TAPT1: variants seen among roughly 807,000 people sequenced by gnomAD.
TAPT1 encodes transmembrane anterior posterior transformation 1.
TAPT1 carries 28 observed loss-of-function variants against 65.6 expected under a neutral mutation model. The ratio of observed to expected loss-of-function variants is 0.43; its 90% CI spans 0.32 to 0.59. The LOEUF (loss-of-function observed/expected upper bound fraction) is 0.59, where lower values mean the gene tolerates loss of function less well. Ranked by LOEUF, TAPT1 falls within the 20% of genes least tolerant of loss-of-function variation. TAPT1 has a pLI of 0.09. For synonymous variants in TAPT1, 278 were observed against 245.2 expected (o/e 1.13, Z -1.25); for missense variants, 563 against 679.9 (o/e 0.83, Z 1.91).
intron 1 of TAPT1, among the ~76,000 whole-genome samples, chr4:16,225,378 C>T (rs1342325677): frequency 6.6e-6 from 1 of 152,184 alleles, no homozygotes; most frequent in Admixed American, 6.5e-5. Flanking sequence ...TTTTGGACAA[C>T]AGAAGTAATT....
intron 7 of TAPT1, among the ~76,000 whole-genome samples, chr4:16,182,166 T>C (rs551993906): frequency 2.6e-5 from 4 of 152,174 alleles, no homozygotes; most frequent in South Asian, 2.1e-4. Flanking sequence ...AAATCAAGAT[T>C]TGACTTTTAA....
intron 11 of TAPT1, among the ~76,000 whole-genome samples, chr4:16,172,640 T>C (rs187325369): frequency 6.6e-6 from 1 of 152,176 alleles, no homozygotes; most frequent in Non-Finnish European, 1.5e-5. Context: ...GAAATTTAAA[T>C]AGCATTAAGC....
intron 1 of TAPT1, among the ~76,000 whole-genome samples, chr4:16,223,360 G>A (rs1187456954): frequency 2.0e-5 from 3 of 152,168 alleles, no homozygotes; most frequent in African/African-American, 4.8e-5. Flanking sequence ...TATGTCAAAA[G>A]GAACAACAGA....
chr4:16,164,355 G>C (rs1350861856), intron 13 of TAPT1, among the ~76,000 whole-genome samples: 2 of 152,042 alleles, frequency 1.3e-5, no homozygotes, highest in African/African-American at 4.8e-5. Flanking sequence ...ATCTGATGCA[G>C]CTTTGAGAGA....
At chr4:16,179,773 T>A in intron 7 of TAPT1, 116 bp from the exon 8 acceptor site, 1 of 505,936 alleles carries the variant, frequency 2.0e-6, no homozygotes, top group South Asian at 3.5e-5. Flanking sequence ...TATAAATGTC[T>A]ATAAATATAC....
chr4:16,176,834 T>TA (rs1479846033), intron 8 of TAPT1: 1 of 152,250 alleles, frequency 6.6e-6, no homozygotes, highest in African/African-American at 2.4e-5. Flanking sequence ...ATGGGATGAC[T>TA]AGATTAAGCA....
intron 7 of TAPT1, among the ~76,000 whole-genome samples, chr4:16,179,937 A>T (rs1001680936): frequency 6.6e-6 from 1 of 152,052 alleles, no homozygotes; most frequent in Non-Finnish European, 1.5e-5. Context: ...AAACCATCAA[A>T]CTGCTCAGAT....
intron 13 of TAPT1, 112 bp downstream of exon 13, chr4:16,166,521 A>G (rs1339327921): frequency 2.9e-6 from 4 of 1,375,906 alleles, no homozygotes; most frequent in Non-Finnish European, 4.0e-6. Flanking sequence ...TAAAAGACCC[A>G]AAAATCTATG....
At chr4:16,177,281 T>A (rs907212783) in intron 8 of TAPT1, among the ~76,000 whole-genome samples, 15 of 152,152 alleles carry the variant, frequency 9.9e-5, no homozygotes, top group Admixed American at 3.9e-4. Context: ...AATAAAAAAA[T>A]TTTTTTAATG....
chr4:16,224,158 AT>A (rs1423826696), intron 1 of TAPT1, among the ~76,000 whole-genome samples: 1 of 152,276 alleles, frequency 6.6e-6, no homozygotes, highest in East Asian at 1.9e-4. Flanking sequence ...TCAGGGAGAA[AT>A]GCTATCCAAA....
At chr4:16,212,211 C>G (rs1444918073) in intron 2 of TAPT1, among the ~76,000 whole-genome samples, 3 of 152,024 alleles carry the variant, frequency 2.0e-5, no homozygotes, top group Non-Finnish European at 4.4e-5. Flanking sequence ...TGTGTTCTCC[C>G]CAGAGAAAAA....
intron 6 of TAPT1, 54 bp from the exon 7 acceptor site, chr4:16,186,658 G>T: frequency 7.1e-7 from 1 of 1,401,562 alleles, no homozygotes; most frequent in South Asian, 1.3e-5. Context: ...TTAAAAACTG[G>T]ACTTGCTACT....
chr4:16,202,336 C>T (rs1314603923), intron 3 of TAPT1, 126 bp downstream of exon 3: 1 of 490,100 alleles, frequency 2.0e-6, no homozygotes, highest in African/African-American at 2.0e-5. Flanking sequence ...AAAAGGTAAA[C>T]AGTTTATGCA....
intron 13 of TAPT1, among the ~76,000 whole-genome samples, chr4:16,163,971 T>C (rs1172162776): frequency 6.6e-6 from 1 of 152,194 alleles, no homozygotes; most frequent in African/African-American, 2.4e-5. Context: ...ACAGATGGTT[T>C]AGCATCATCA....
At position 16,191,527 on chromosome 4, in the gene TAPT1, A is replaced by C. The variant is rs1324218274; in HGVS notation, c.450-4T>G. On this transcript the variant is annotated splice_polypyrimidine_tract_variant and splice_region_variant and intron_variant, in intron 3 of 13. Coordinates refer to ENST00000405303, the MANE Select transcript of TAPT1 (RefSeq NM_153365.3). ...AGGCTGAAGCAAACGTCTGTCCCTG[A>C]AACATACAAGAAGTAATAAAAATAT... is the stretch of plus-strand genomic sequence containing the variant. 1 of 1,553,290 alleles carries C rather than the reference A, an allele frequency of 6.4e-7. No individual in the cohort carries two copies. The highest frequency in any genetic ancestry group is 8.7e-7 in the Non-Finnish European group (1 of 1,147,978).
chr4:16,210,643 A>G (rs1158937409), intron 2 of TAPT1, among the ~76,000 whole-genome samples: 1 of 152,230 alleles, frequency 6.6e-6, no homozygotes, highest in Non-Finnish European at 1.5e-5. Flanking sequence ...CAAGACTCAG[A>G]GTTAGACAGT....
intron 7 of TAPT1, among the ~76,000 whole-genome samples, chr4:16,185,788 C>G (rs528528262): frequency 6.6e-6 from 1 of 152,284 alleles, no homozygotes; most frequent in East Asian, 1.9e-4. Context: ...CTCCCCATAA[C>G]ACACCCCTCC....
chr4:16,169,614 G>T (rs2149668739), intron 12 of TAPT1, among the ~76,000 whole-genome samples: 1 of 152,300 alleles, frequency 6.6e-6, no homozygotes, highest in Admixed American at 6.5e-5. Context: ...GTGAAACACT[G>T]AAATTAGCCA....
At chr4:16,209,799 A>G (rs1750555919) in intron 2 of TAPT1, among the ~76,000 whole-genome samples, 1 of 152,370 alleles carries the variant, frequency 6.6e-6, no homozygotes, top group Non-Finnish European at 1.5e-5. Flanking sequence ...ACGCAAACAC[A>G]TGTAAAATGC....
Sources: gnomAD v4.1 joint callset for allele counts (sites outside exome capture counted in the v4.1 genomes callset) on GRCh38, gnomAD v4.1.1 for gene constraint, MANE v1.5 for transcripts, NCBI Gene and HGNC (gene_info 2026-07-23, HGNC 2026-07-21) for gene names.